BAALC: variants seen among roughly 807,000 people sequenced by gnomAD.
The protein encoded by BAALC is BAALC binder of MAP3K1 and KLF4.
In BAALC, 9 loss-of-function variants were observed where a neutral mutation model predicts 15.5. That is an observed-to-expected ratio of 0.58 (90% CI 0.35 to 1.02). The LOEUF is 1.02. BAALC is among the 50% of genes least tolerant of loss of function. BAALC has a pLI of 0.02. For synonymous variants in BAALC, 80 were observed against 74.6 expected (o/e 1.07, Z -0.37); for missense variants, 201 against 192.4 (o/e 1.04, Z -0.27).
intron 1 of BAALC, among the ~76,000 whole-genome samples, chr8:103,187,668 T>C (rs149932719): frequency 1.5e-4 from 23 of 152,304 alleles, no homozygotes; most frequent in African/African-American, 5.3e-4. Flanking sequence ...GGTCAGGTTG[T>C]GGACAGGACA....
intron 2 of BAALC, among the ~76,000 whole-genome samples, chr8:103,216,403 AC>A (rs1257442349): frequency 6.6e-6 from 1 of 152,230 alleles, no homozygotes; most frequent in African/African-American, 2.4e-5. Context: ...CAGTTATGGA[AC>A]AAAAGAATTA....
intron 1 of BAALC, among the ~76,000 whole-genome samples, chr8:103,187,586 G>T (rs181709267): frequency 6.6e-6 from 1 of 152,312 alleles, no homozygotes; most frequent in East Asian, 1.9e-4. Context: ...AGTGTTGCCT[G>T]TACTCTATGT....
intron 2 of BAALC, among the ~76,000 whole-genome samples, chr8:103,227,214 GA>G (rs1812825474): frequency 6.6e-6 from 1 of 152,146 alleles, no homozygotes; most frequent in Admixed American, 6.5e-5. Flanking sequence ...ATAATCTCAA[GA>G]GATTAATGCA....
chr8:103,210,133 C>A (rs1812420737), intron 1 of BAALC, among the ~76,000 whole-genome samples: 1 of 152,120 alleles, frequency 6.6e-6, no homozygotes, highest in South Asian at 2.1e-4. Context: ...GCATCTCAGG[C>A]CCCTTTAGGT....
intron 1 of BAALC, among the ~76,000 whole-genome samples, chr8:103,185,484 T>C (rs1811814660): frequency 6.6e-6 from 1 of 152,250 alleles, no homozygotes; most frequent in South Asian, 2.1e-4. Flanking sequence ...CTAAAGTTTA[T>C]ACACACATAA....
intron 1 of BAALC, among the ~76,000 whole-genome samples, chr8:103,158,685 A>ATAC (rs1554609217): frequency 2.0e-5 from 3 of 150,664 alleles, no homozygotes; most frequent in Admixed American, 6.6e-5. Context: ...CAATACATAC[A>ATAC]ATACATACAT....
chr8:103,213,239 G>A, intron 2 of BAALC, 154 bp downstream of exon 2: 1 of 836,580 alleles, frequency 1.2e-6, no homozygotes, highest in Non-Finnish European at 1.8e-6. Flanking sequence ...AAAAATTGCT[G>A]CAAACCCCAC....
intron 1 of BAALC, among the ~76,000 whole-genome samples, chr8:103,169,422 C>T (rs143123076): frequency 3.3e-5 from 5 of 152,112 alleles, no homozygotes; most frequent in East Asian, 1.9e-4. Context: ...TCTCTTGTTT[C>T]GTGGCTTTCC....
chr8:103,160,625 T>C (rs929657504), intron 1 of BAALC, among the ~76,000 whole-genome samples: 1 of 152,126 alleles, frequency 6.6e-6, no homozygotes, highest in Non-Finnish European at 1.5e-5. Flanking sequence ...ACAGAACTAA[T>C]AGTCTATACA....
rs1048059437 is a variant in BAALC at position 103,175,174 on chromosome 8, T to G, written c.160+34117T>G. On this transcript the variant is annotated intron_variant, in intron 1 of 2. Coordinates refer to ENST00000309982, the MANE Select transcript of BAALC (RefSeq NM_024812.3). ...TCATTTTGACTCAGCTCTGTCTTTCTCAGGGCTAAGCACCAGAGACCTCAT... is the reference window on the plus strand; with the variant it reads ...TCATTTTGACTCAGCTCTGTCTTTCGCAGGGCTAAGCACCAGAGACCTCAT... 3.3e-5 allele frequency among the ~76,000 whole-genome samples: 5 copies of G among 152,174 alleles called. No individual in the cohort carries two copies. The East Asian group carries it at 9.6e-4, about 29-fold the overall frequency.
chr8:103,205,894 T>G (rs1812316554), intron 1 of BAALC, among the ~76,000 whole-genome samples: 2 of 152,168 alleles, frequency 1.3e-5, no homozygotes, highest in African/African-American at 4.8e-5. Context: ...AGAGGAGTGG[T>G]GTGGAGTAGA....
intron 1 of BAALC, among the ~76,000 whole-genome samples, chr8:103,166,469 G>A (rs1811349104): frequency 6.6e-6 from 1 of 152,162 alleles, no homozygotes; most frequent in South Asian, 2.1e-4. Flanking sequence ...TGGAGCAGAT[G>A]TGTGGGAGGG....
intron 2 of BAALC, among the ~76,000 whole-genome samples, chr8:103,227,238 C>G (rs1812826019): frequency 6.6e-6 from 1 of 152,164 alleles, no homozygotes; most frequent in Middle Eastern, 3.4e-3. Flanking sequence ...TTGTGAGGAC[C>G]TTCGTATATT....
rs561117761 is a variant in BAALC at position 103,228,721 on chromosome 8, T to G, written c.*622T>G. 1 of 152,434 alleles carries G rather than the reference T, an allele frequency of 6.6e-6. No homozygotes were observed. Among genetic ancestry groups the G allele is most frequent in the South Asian group, 2.1e-4 (1 of 4,830 alleles). The allele number at this position is 152,434 out of a possible 1,614,324, so 9.4% of individuals were successfully genotyped here. On this transcript the variant is annotated 3_prime_UTR_variant, in exon 3 of 3. Coordinates refer to ENST00000309982, the MANE Select transcript of BAALC (RefSeq NM_024812.3). ...ACCAACCCACTGCCCATGGCATGTC[T>G]TTGGGAGGTGTCTGTGAAGCAGTCA... is the stretch of plus-strand genomic sequence containing the variant.
intron 1 of BAALC, among the ~76,000 whole-genome samples, chr8:103,192,603 A>T (rs920258684): frequency 2.0e-5 from 3 of 152,226 alleles, no homozygotes; most frequent in African/African-American, 7.2e-5. Flanking sequence ...ATTCCCAGTT[A>T]CAGCCTTCTG....
intron 1 of BAALC, among the ~76,000 whole-genome samples, chr8:103,195,150 T>C (rs1260978908): frequency 6.6e-6 from 1 of 152,150 alleles, no homozygotes; most frequent in Non-Finnish European, 1.5e-5. Flanking sequence ...AGCACCTTAC[T>C]GGAGTCCCAT....
At chr8:103,151,279 AG>A (rs1269728426) in intron 1 of BAALC, among the ~76,000 whole-genome samples, 1 of 152,138 alleles carries the variant, frequency 6.6e-6, no homozygotes, top group African/African-American at 2.4e-5. Context: ...GGCCTCCCAA[AG>A]TGCTGCAATT....
intron 2 of BAALC, among the ~76,000 whole-genome samples, chr8:103,223,361 C>T (rs1168858659): frequency 6.6e-6 from 1 of 152,144 alleles, no homozygotes; most frequent in Non-Finnish European, 1.5e-5. Context: ...CCAGGATAAA[C>T]TAGGAGAAGT....
At chr8:103,224,590 C>T (rs561652857) in intron 2 of BAALC, among the ~76,000 whole-genome samples, 4 of 152,102 alleles carry the variant, frequency 2.6e-5, no homozygotes, top group East Asian at 1.9e-4. Context: ...AGCTCTCAGC[C>T]GACTTCAGGG....
Sources: gnomAD v4.1 joint callset for allele counts (sites outside exome capture counted in the v4.1 genomes callset) on GRCh38, gnomAD v4.1.1 for gene constraint, MANE v1.5 for transcripts, NCBI Gene and HGNC (gene_info 2026-07-23, HGNC 2026-07-21) for gene names.